Variants in MGAT4C observed in about 807,000 individuals in gnomAD.
The protein encoded by MGAT4C is MGAT4 family member C, also known as alpha-1,3-mannosyl-glycoprotein 4-beta-N-acetylglucosaminyltransferase C.
In MGAT4C, 19 loss-of-function variants were observed where a neutral mutation model predicts 40.1. The ratio of observed to expected loss-of-function variants is 0.47; its 90% CI spans 0.33 to 0.70. The LOEUF (loss-of-function observed/expected upper bound fraction) is 0.70. Ranked by LOEUF, MGAT4C falls within the 30% of genes least tolerant of loss-of-function variation. The pLI, the probability that MGAT4C is intolerant of heterozygous loss-of-function variation, is 0.02. For synonymous variants in MGAT4C, 181 were observed against 187.1 expected (o/e 0.97, Z 0.27); for missense variants, 491 against 563.2 (o/e 0.87, Z 1.30).
At chr12:86,087,602 G>A (rs1872110931) in intron 1 of MGAT4C, among the ~76,000 whole-genome samples, 1 of 151,954 alleles carries the variant, frequency 6.6e-6, no homozygotes, top group African/African-American at 2.4e-5. Flanking sequence ...AGATCTAGGA[G>A]CTTTTAGGCT....
intron 1 of MGAT4C, among the ~76,000 whole-genome samples, chr12:86,824,677 T>C (rs1164826368): frequency 7.3e-6 from 1 of 137,550 alleles, no homozygotes; most frequent in Non-Finnish European, 1.5e-5. Context: ...GGTATCTCAG[T>C]AAGTTTACTT....
At chr12:86,682,616 A>G (rs1950002506) in intron 2 of MGAT4C, among the ~76,000 whole-genome samples, 1 of 152,140 alleles carries the variant, frequency 6.6e-6, no homozygotes, top group East Asian at 1.9e-4. Flanking sequence ...AACTAGGGAA[A>G]AAAAGTTTCT....
At chr12:86,298,793 G>A (rs888017444) in intron 4 of MGAT4C, among the ~76,000 whole-genome samples, 9 of 152,050 alleles carry the variant, frequency 5.9e-5, no homozygotes, top group African/African-American at 2.2e-4. Context: ...AGCAAGAAAT[G>A]AGAATATTGT....
chr12:86,602,263 C>G (rs2136461098), intron 2 of MGAT4C, among the ~76,000 whole-genome samples: 1 of 152,246 alleles, frequency 6.6e-6, no homozygotes, highest in African/African-American at 2.4e-5. Context: ...ACGGACAAAA[C>G]TCAAGCAGAG....
chr12:86,362,237 A>G (rs1032836257), intron 3 of MGAT4C, among the ~76,000 whole-genome samples: 1 of 152,228 alleles, frequency 6.6e-6, no homozygotes, highest in Non-Finnish European at 1.5e-5. Context: ...TATCGCAAGG[A>G]CGGAAAACCA....
intron 2 of MGAT4C, among the ~76,000 whole-genome samples, chr12:86,492,883 T>C (rs1958165755): frequency 2.0e-5 from 3 of 152,082 alleles, no homozygotes; most frequent in Admixed American, 2.0e-4. Flanking sequence ...GGAGAAAATT[T>C]TGCAACCTAC....
chr12:86,424,291 T>C (rs752372581), intron 3 of MGAT4C, among the ~76,000 whole-genome samples: 5 of 152,194 alleles, frequency 3.3e-5, no homozygotes, highest in Non-Finnish European at 7.4e-5. Context: ...AGGTTTAGCC[T>C]TTCTCTTTAG....
chr12:86,756,325 G>A (rs548655823), intron 1 of MGAT4C, among the ~76,000 whole-genome samples: 6 of 152,136 alleles, frequency 3.9e-5, no homozygotes, highest in Admixed American at 3.9e-4. Flanking sequence ...CATCATGTGA[G>A]TCCCGCCTAC....
At chr12:86,804,167 C>CA (rs1170185147) in intron 1 of MGAT4C, among the ~76,000 whole-genome samples, 1 of 150,452 alleles carries the variant, frequency 6.6e-6, no homozygotes. Context: ...ATCACAAGAA[C>CA]AAAAAACCAA....
chr12:86,530,920 T>C (rs1256168883), intron 2 of MGAT4C, among the ~76,000 whole-genome samples: 1 of 152,052 alleles, frequency 6.6e-6, no homozygotes. Flanking sequence ...ATATCTTACA[T>C]AGATAGAAAT....
At position 86,307,995 on chromosome 12, in the gene MGAT4C, G is replaced by C. The variant is rs181047502; in HGVS notation, c.-57+26070C>G. Among the ~76,000 whole-genome samples the C allele has an allele frequency of 1.3e-4, 19 of 150,606 alleles. 2 individuals carry two copies. The highest frequency in any genetic ancestry group is 4.5e-4 in the African/African-American group (18 of 40,092). ...TGGGATTACAGGCGTGAGCCACCGC[G>C]CCCGACCATTTGGGTACAATTTTTT... is the stretch of plus-strand genomic sequence containing the variant. On this transcript the variant is annotated intron_variant, in intron 4 of 7. Transcript: ENST00000548651.
At chr12:86,383,001 C>T (rs1955973093) in intron 3 of MGAT4C, among the ~76,000 whole-genome samples, 1 of 152,206 alleles carries the variant, frequency 6.6e-6, no homozygotes, top group African/African-American at 2.4e-5. Context: ...CCTACTGGGG[C>T]ACCACCTCCT....
intron 3 of MGAT4C, among the ~76,000 whole-genome samples, chr12:86,412,289 C>A (rs1057182867): frequency 2.6e-5 from 4 of 152,190 alleles, no homozygotes; most frequent in African/African-American, 9.7e-5. Context: ...GCAGCTTGCA[C>A]CATGCACCTG....
chr12:86,258,672 T>C (rs774417912), upstream of MGAT4C, among the ~76,000 whole-genome samples: 81 of 152,070 alleles, frequency 5.3e-4, no homozygotes, highest in Non-Finnish European at 1.1e-3. Flanking sequence ...AATATGTCAG[T>C]GAGATTTTTT....
At position 86,602,883 on chromosome 12, in the gene MGAT4C, CGTGTGT is replaced by C. The variant is rs35262458; in HGVS notation, c.-229+124320_-229+124325del. On this transcript the variant is annotated intron_variant, in intron 2 of 7. Transcript: ENST00000548651. ...AGTATCTCAAACACCTGCCCATCTG[CGTGTGT>C]GTGTGTGTGTGTGTGTGTGTGTGTA... 8.3e-3 allele frequency among the ~76,000 whole-genome samples: 1,220 copies of C among 147,664 alleles called. 5 individuals are homozygous for C. Among genetic ancestry groups the C allele is most frequent in the African/African-American group, 0.014 (579 of 40,134 alleles).
chr12:86,594,375 G>T (rs189899713), intron 2 of MGAT4C, among the ~76,000 whole-genome samples: 1 of 152,096 alleles, frequency 6.6e-6, no homozygotes, highest in Non-Finnish European at 1.5e-5. Flanking sequence ...TTCATTTACT[G>T]TATGTTCTCA....
intron 2 of MGAT4C, among the ~76,000 whole-genome samples, chr12:86,656,116 T>A (rs1051953873): frequency 6.6e-6 from 1 of 152,104 alleles, no homozygotes; most frequent in Non-Finnish European, 1.5e-5. Flanking sequence ...TGAAATTATG[T>A]TATTTTTTAA....
chr12:86,620,341 T>TCACACACA (rs142544847), intron 2 of MGAT4C, among the ~76,000 whole-genome samples: 1 of 149,826 alleles, frequency 6.7e-6, no homozygotes, highest in Non-Finnish European at 1.5e-5. Context: ...AGATAAAATA[T>TCACACACA]CACACACACA....
intron 1 of MGAT4C, among the ~76,000 whole-genome samples, chr12:86,813,592 A>G (rs1159497838): frequency 6.6e-6 from 1 of 152,032 alleles, no homozygotes; most frequent in Admixed American, 6.6e-5. Context: ...TAATATGACA[A>G]TATTTTTTAT....
Sources: gnomAD v4.1 joint callset for allele counts (sites outside exome capture counted in the v4.1 genomes callset) on GRCh38, gnomAD v4.1.1 for gene constraint, MANE v1.5 for transcripts, NCBI Gene and HGNC (gene_info 2026-07-23, HGNC 2026-07-21) for gene names.